Variants in RMDN2 observed in about 807,000 individuals in gnomAD.
RMDN2 encodes regulator of microtubule dynamics protein 2.
In RMDN2, 61 loss-of-function variants were observed where a neutral mutation model predicts 52.8. That is an observed-to-expected ratio of 1.16 (90% CI 0.94 to 1.43). The LOEUF (loss-of-function observed/expected upper bound fraction) is 1.43, where lower values mean the gene tolerates loss of function less well. Ranked by LOEUF, RMDN2 falls within the 40% of genes most tolerant of loss-of-function variation. RMDN2 has a pLI of 0.00. For synonymous variants in RMDN2, 180 were observed against 153.1 expected, an observed-to-expected ratio of 1.18 and a Z score of -1.30; for missense variants, 592 against 475.3, an observed-to-expected ratio of 1.25 and a Z score of -2.28.
At chr2:37,951,591 C>G (rs147584543) in intron 2 of RMDN2, 4 of 1,613,234 alleles carry the variant, frequency 2.5e-6, no homozygotes, top group South Asian at 1.1e-5. Context: ...CCGCAGAAGA[C>G]GTTTCTCATC....
intron 2 of RMDN2, among the ~76,000 whole-genome samples, chr2:37,950,912 A>G (rs1273888617): frequency 1.3e-5 from 2 of 152,182 alleles, no homozygotes; most frequent in East Asian, 3.9e-4. Context: ...TTGTTCTGGT[A>G]TCCTTGCATA....
chr2:37,984,111 G>A (rs1673676310), intron 5 of RMDN2, among the ~76,000 whole-genome samples: 1 of 152,212 alleles, frequency 6.6e-6, no homozygotes, highest in African/African-American at 2.4e-5. Flanking sequence ...GGGTTAGTAT[G>A]ATTTGGGAAT....
intron 7 of RMDN2, among the ~76,000 whole-genome samples, chr2:37,995,706 A>G (rs1675446962): frequency 6.6e-6 from 1 of 152,250 alleles, no homozygotes; most frequent in South Asian, 2.1e-4. Flanking sequence ...AAGCATATGC[A>G]GAATGTGTGC....
intron 10 of RMDN2, chr2:38,029,772 G>A (rs1218703179): frequency 1.3e-5 from 2 of 152,182 alleles, no homozygotes; most frequent in South Asian, 2.1e-4. Flanking sequence ...AAGAGATAGT[G>A]TATTAGTCCG....
At chr2:37,991,548 G>A (rs543823038) in intron 7 of RMDN2, among the ~76,000 whole-genome samples, 158 of 151,724 alleles carry the variant, frequency 1.0e-3, no homozygotes, top group Non-Finnish European at 1.0e-4. Context: ...ATATATATTT[G>A]TATGTTATAT....
intron 2 of RMDN2, among the ~76,000 whole-genome samples, chr2:37,942,243 C>T (rs940933474): frequency 1.3e-5 from 2 of 152,152 alleles, no homozygotes; most frequent in African/African-American, 4.8e-5. Context: ...CACTGTCTAA[C>T]CTGTCCCAAT....
At chr2:37,968,971 T>G (rs1204278995) in intron 2 of RMDN2, among the ~76,000 whole-genome samples, 1 of 152,122 alleles carries the variant, frequency 6.6e-6, no homozygotes, top group Admixed American at 6.5e-5. Flanking sequence ...TATAAGTTTC[T>G]GAGAAATATC....
At chr2:37,957,529 A>T (rs1364188183) in intron 2 of RMDN2, among the ~76,000 whole-genome samples, 2 of 152,140 alleles carry the variant, frequency 1.3e-5, no homozygotes, top group Non-Finnish European at 2.9e-5. Context: ...AGTTCCTTGT[A>T]GATTCTTGAT....
intron 10 of RMDN2, among the ~76,000 whole-genome samples, chr2:38,024,397 A>G (rs1273337406): frequency 6.6e-6 from 1 of 152,140 alleles, no homozygotes. Context: ...ATTCTCACCA[A>G]CAGCGTCTGA....
chr2:37,937,519 C>A (rs980702288), intron 2 of RMDN2, among the ~76,000 whole-genome samples: 7 of 152,160 alleles, frequency 4.6e-5, no homozygotes, highest in Non-Finnish European at 7.3e-5. Flanking sequence ...TTGATTCTTC[C>A]TATCCATGAG....
chr2:38,003,555 G>GATAGATAGATAGATAC (rs1476468409), intron 8 of RMDN2, among the ~76,000 whole-genome samples: 39 of 135,880 alleles, frequency 2.9e-4, no homozygotes, highest in African/African-American at 1.1e-3. Flanking sequence ...CTGATAGATA[G>GATAGATAGATAGATAC]ATAGATAGAT....
chr2:38,017,096 C>A, intron 10 of RMDN2, 90 bp from the exon 11 acceptor site: 1 of 653,922 alleles, frequency 1.5e-6, no homozygotes, highest in Non-Finnish European at 2.3e-6. Context: ...GTTGGGGAAT[C>A]TCCTCAAGTC....
intron 10 of RMDN2, among the ~76,000 whole-genome samples, chr2:38,038,073 A>G (rs1022691018): frequency 2.6e-5 from 4 of 151,204 alleles, no homozygotes; most frequent in Middle Eastern, 3.2e-3. Flanking sequence ...TCTCCCCTCC[A>G]TTCTCCCCTT....
chr2:37,965,701 C>A lies in RMDN2; in HGVS notation c.453-8339C>A, dbSNP rs147978309. ...ATATTTTCCCATGTCTTTACCTTTA[C>A]TACAGAATATTATATTTTTGTATGG... On this transcript the variant is annotated intron_variant, in intron 2 of 10. Transcript: ENST00000354545. 3.8e-3 allele frequency among the ~76,000 whole-genome samples: 575 copies of A among 152,240 alleles called. 6 individuals are homozygous for A. The highest frequency in any genetic ancestry group is 0.013 in the African/African-American group (534 of 41,548).
intron 10 of RMDN2, among the ~76,000 whole-genome samples, chr2:38,041,748 A>G (rs974661917): frequency 6.6e-6 from 1 of 152,154 alleles, no homozygotes; most frequent in South Asian, 2.1e-4. Flanking sequence ...GATAGATCAT[A>G]TTAATTAATT....
At chr2:38,008,356 T>G (rs1677422452) in intron 10 of RMDN2, among the ~76,000 whole-genome samples, 1 of 152,176 alleles carries the variant, frequency 6.6e-6, no homozygotes, top group Non-Finnish European at 1.5e-5. Flanking sequence ...TTTTTGTAAG[T>G]CACTAAGGAC....
At position 37,948,066 on chromosome 2, in the gene RMDN2, C is replaced by T. The variant is rs138055762; in HGVS notation, c.452+18337C>T. Among the ~76,000 whole-genome samples, 163 of 152,234 alleles carry T rather than the reference C, an allele frequency of 1.1e-3. 3 individuals are homozygous for T. The East Asian group carries it at 0.027, about 25-fold the overall frequency. ...GCCTTGACTCTGGGGGTCGTCATGACCCGTATGTTCTGGAACACAGCTACT... is the reference window on the plus strand; with the variant it reads ...GCCTTGACTCTGGGGGTCGTCATGATCCGTATGTTCTGGAACACAGCTACT... On this transcript the variant is annotated intron_variant, in intron 2 of 10. Coordinates refer to ENST00000354545, the MANE Select transcript of RMDN2 (RefSeq NM_001170791.3).
chr2:37,977,034 G>T (rs1672563492), intron 4 of RMDN2, among the ~76,000 whole-genome samples: 1 of 151,882 alleles, frequency 6.6e-6, no homozygotes, highest in Non-Finnish European at 1.5e-5. Context: ...TTCAGATTAG[G>T]GAGTGGTGAT....
chr2:38,033,851 C>T (rs1353065788), intron 10 of RMDN2, among the ~76,000 whole-genome samples: 3 of 152,160 alleles, frequency 2.0e-5, no homozygotes, highest in African/African-American at 7.2e-5. Flanking sequence ...GTAAAACAAA[C>T]CACAGTTAGC....
Sources: gnomAD v4.1 joint callset for allele counts (sites outside exome capture counted in the v4.1 genomes callset) on GRCh38, gnomAD v4.1.1 for gene constraint, MANE v1.5 for transcripts, NCBI Gene and HGNC (gene_info 2026-07-23, HGNC 2026-07-21) for gene names.